Variants in TWSG1 observed in about 807,000 individuals in gnomAD.
TWSG1 encodes twisted gastrulation BMP signaling modulator 1.
TWSG1 carries 15 observed loss-of-function variants against 23.0 expected under a neutral mutation model. The observed-to-expected ratio is 0.65, with a 90% CI of 0.44 to 1.00. The LOEUF (loss-of-function observed/expected upper bound fraction) is 1.00, where lower values mean the gene tolerates loss of function less well. Among genes scored for constraint, TWSG1 ranks in the 50% least tolerant of loss-of-function variants. TWSG1 has a pLI of 0.00. For synonymous variants in TWSG1, 86 were observed against 92.8 expected, an observed-to-expected ratio of 0.93 and a Z score of 0.42; for missense variants, 242 against 278.7, an observed-to-expected ratio of 0.87 and a Z score of 0.94.
At chr18:9,365,145 A>C (rs904603178) in intron 3 of TWSG1, among the ~76,000 whole-genome samples, 2 of 151,240 alleles carry the variant, frequency 1.3e-5, no homozygotes, top group African/African-American at 4.9e-5. Context: ...ACATAAGGAG[A>C]CCCCATCTTT....
At chr18:9,392,501 G>C (rs1457964445) in intron 3 of TWSG1, among the ~76,000 whole-genome samples, 1 of 152,206 alleles carries the variant, frequency 6.6e-6, no homozygotes, top group South Asian at 2.1e-4. Context: ...TGGCTGGTTT[G>C]ATCTATCCAG....
At chr18:9,346,895 A>C (rs577422158) in intron 2 of TWSG1, among the ~76,000 whole-genome samples, 1 of 152,222 alleles carries the variant, frequency 6.6e-6, no homozygotes, top group Admixed American at 6.5e-5. Context: ...TAGTTTTGTA[A>C]GAAATTGCCA....
chr18:9,395,065 A>G (rs537736789), intron 3 of TWSG1, among the ~76,000 whole-genome samples: 1 of 152,242 alleles, frequency 6.6e-6, no homozygotes, highest in East Asian at 1.9e-4. Context: ...TTTAGTAGTT[A>G]TGTTTCTTCA....
At chr18:9,344,272 C>G (rs1369361993) in intron 2 of TWSG1, among the ~76,000 whole-genome samples, 4 of 152,080 alleles carry the variant, frequency 2.6e-5, no homozygotes, top group Non-Finnish European at 4.4e-5. Flanking sequence ...CATATGGCAA[C>G]TCTGTGTTTA....
At chr18:9,360,565 G>A (rs372831123) in intron 3 of TWSG1, among the ~76,000 whole-genome samples, 2 of 152,082 alleles carry the variant, frequency 1.3e-5, no homozygotes, top group South Asian at 4.1e-4. Context: ...TAAAACCCCA[G>A]TTCAAGTATC....
At chr18:9,373,137 A>G in intron 3 of TWSG1, among the ~76,000 whole-genome samples, 1 of 152,224 alleles carries the variant, frequency 6.6e-6, no homozygotes, top group African/African-American at 2.4e-5. Flanking sequence ...ACTTCACAGC[A>G]AGGAAAGTTA....
chr18:9,380,041 G>C (rs1026618575), intron 3 of TWSG1, among the ~76,000 whole-genome samples: 1 of 152,172 alleles, frequency 6.6e-6, no homozygotes, highest in African/African-American at 2.4e-5. Context: ...CCTATATACT[G>C]TGTGGCTCAT....
chr18:9,394,758 A>G (rs1464151467), intron 3 of TWSG1, among the ~76,000 whole-genome samples: 3 of 152,186 alleles, frequency 2.0e-5, no homozygotes. Context: ...CTACAGACAC[A>G]CACACATGCA....
intron 4 of TWSG1, among the ~76,000 whole-genome samples, chr18:9,398,028 C>T (rs1463480210): frequency 1.6e-5 from 2 of 125,402 alleles, no homozygotes; most frequent in Non-Finnish European, 3.4e-5. Flanking sequence ...AAAAAAAAAA[C>T]CAAGAAAACA....
chr18:9,362,063 G>A (rs570336397), intron 3 of TWSG1, among the ~76,000 whole-genome samples: 1 of 152,160 alleles, frequency 6.6e-6, no homozygotes, highest in Non-Finnish European at 1.5e-5. Flanking sequence ...GGGGGCAGAA[G>A]TATCTTTTCC....
rs2145588121 is a variant in TWSG1, at chr18:9,337,228, A to G, written c.-2A>G. ...GTTACTGATCATCTTCTTTGAAGAA[A>G]CATGAAGTTACACTATGTTGCTGTG... On this transcript the variant is annotated 5_prime_UTR_variant, in exon 2 of 5. Coordinates refer to ENST00000262120, the MANE Select transcript of TWSG1 (RefSeq NM_020648.6). 2 of 1,610,692 alleles carry G rather than the reference A, an allele frequency of 1.2e-6. No individual in the cohort carries two copies. The highest frequency in any genetic ancestry group is 2.2e-5 in the South Asian group (2 of 91,068).
chr18:9,344,920 A>T (rs1259629664), intron 2 of TWSG1, among the ~76,000 whole-genome samples: 3 of 151,934 alleles, frequency 2.0e-5, no homozygotes, highest in South Asian at 4.1e-4. Context: ...GCTAATTTTT[A>T]AAATTTTTAA....
intron 1 of TWSG1, among the ~76,000 whole-genome samples, chr18:9,335,297 C>T (rs1262681817): frequency 1.3e-5 from 2 of 152,248 alleles, no homozygotes; most frequent in African/African-American, 2.4e-5. Context: ...TACAGAGGCT[C>T]GGCTCTGCCC....
At chr18:9,390,224 G>A (rs1339806876) in intron 3 of TWSG1, among the ~76,000 whole-genome samples, 1 of 151,794 alleles carries the variant, frequency 6.6e-6, no homozygotes, top group African/African-American at 2.4e-5. Context: ...GCAGTGGCGC[G>A]ATCTCGGTTC....
chr18:9,379,411 A>G (rs1447994953), intron 3 of TWSG1, among the ~76,000 whole-genome samples: 2 of 152,194 alleles, frequency 1.3e-5, no homozygotes, highest in Admixed American at 6.5e-5. Flanking sequence ...TTAGCAAACT[A>G]TCGCAGAAAC....
At chr18:9,370,965 A>C (rs2040602320) in intron 3 of TWSG1, among the ~76,000 whole-genome samples, 1 of 152,168 alleles carries the variant, frequency 6.6e-6, no homozygotes. Context: ...GCCAAAATGG[A>C]ATAATGATCA....
chr18:9,396,180 T>G, intron 3 of TWSG1, 100 bp from the exon 4 acceptor site: 1 of 615,872 alleles, frequency 1.6e-6, no homozygotes, highest in Non-Finnish European at 2.5e-6. Context: ...GGTAGGAAAA[T>G]ATCCATGTGT....
chr18:9,400,842 G>T lies in TWSG1; in HGVS notation c.*1315G>T, dbSNP rs2040759570. The T allele has an allele frequency of 6.6e-6, 1 of 152,066 alleles. No homozygotes were observed. The highest frequency in any genetic ancestry group is 6.6e-5 in the Admixed American group (1 of 15,266). The allele number at this position is 152,066 out of a possible 1,614,324, so 9.4% of individuals were successfully genotyped here. On this transcript the variant is annotated 3_prime_UTR_variant, in exon 5 of 5. Transcript: ENST00000262120. Reference sequence around the variant, plus strand: ...TAATAAAATCTCAATCTTAAAGCATGAATCTAAAACATAAATATTTATATT... The same window carrying T: ...TAATAAAATCTCAATCTTAAAGCATTAATCTAAAACATAAATATTTATATT...
chr18:9,359,134 G>A (rs2040540578), intron 2 of TWSG1, among the ~76,000 whole-genome samples: 1 of 151,954 alleles, frequency 6.6e-6, no homozygotes, highest in Non-Finnish European at 1.5e-5. Context: ...TTGACAGTTT[G>A]AGCCTGGATC....
Sources: allele counts gnomAD v4.1 joint callset (sites outside exome capture counted in the v4.1 genomes callset), GRCh38; gene constraint gnomAD v4.1.1; transcripts MANE v1.5; gene names NCBI Gene and HGNC (gene_info 2026-07-23, HGNC 2026-07-21).